The following ANKS1B variants were observed in gnomAD, a reference collection of about 807,000 sequenced individuals.
The protein encoded by ANKS1B is ankyrin repeat and sterile alpha motif domain-containing protein 1B.
Under a neutral mutation model 148.3 loss-of-function variants are expected in ANKS1B, and 36 were observed. The observed-to-expected ratio is 0.24, with a 90% CI of 0.19 to 0.32. The LOEUF is 0.32. Ranked by LOEUF, ANKS1B falls within the 10% of genes least tolerant of loss-of-function variation. The probability of loss-of-function intolerance (pLI) is 1.00; values close to 1 mark genes in which losing one functional copy is unlikely to be tolerated. For synonymous variants in ANKS1B, 542 were observed against 560.8 expected, an observed-to-expected ratio of 0.97 and a Z score of 0.47; for missense variants, 1,157 against 1,542.6, an observed-to-expected ratio of 0.75 and a Z score of 4.19.
intron 10 of ANKS1B, among the ~76,000 whole-genome samples, chr12:99,459,798 C>T (rs146828961): frequency 1.9e-3 from 291 of 151,968 alleles, no homozygotes; most frequent in African/African-American, 6.5e-3. Flanking sequence ...CATGAATGAG[C>T]AGAATCAATA....
At chr12:98,993,147 T>C (rs1221369119) in intron 17 of ANKS1B, among the ~76,000 whole-genome samples, 1 of 152,184 alleles carries the variant, frequency 6.6e-6, no homozygotes, top group East Asian at 1.9e-4. Flanking sequence ...TCATAGTTGA[T>C]TCTTTTTTTA....
intron 8 of ANKS1B, among the ~76,000 whole-genome samples, chr12:99,723,862 T>C (rs996425246): frequency 2.6e-5 from 4 of 152,040 alleles, no homozygotes; most frequent in African/African-American, 9.7e-5. Context: ...GCCAGATGAA[T>C]AGTGCCTGAA....
At chr12:98,837,503 G>A (rs75942608) in intron 17 of ANKS1B, among the ~76,000 whole-genome samples, 1,662 of 152,192 alleles carry the variant, frequency 0.011, 32 homozygotes, top group African/African-American at 0.037. Flanking sequence ...AGCAGTAGCC[G>A]CCTCCAGGAA....
chr12:99,045,580 AT>A (rs957132730), intron 17 of ANKS1B, among the ~76,000 whole-genome samples: 2 of 152,192 alleles, frequency 1.3e-5, no homozygotes, highest in African/African-American at 4.8e-5. Context: ...ATTGTTTTAG[AT>A]ATGGGGCCCT....
At chr12:99,578,091 A>C (rs887794876) in intron 9 of ANKS1B, among the ~76,000 whole-genome samples, 2 of 152,164 alleles carry the variant, frequency 1.3e-5, no homozygotes, top group African/African-American at 4.8e-5. Context: ...AATGTGATTC[A>C]CCACAAACAG....
intron 12 of ANKS1B, among the ~76,000 whole-genome samples, chr12:99,327,062 A>G (rs1415465580): frequency 7.4e-6 from 1 of 134,660 alleles, no homozygotes; most frequent in Non-Finnish European, 1.5e-5. Context: ...TATATATAAT[A>G]CAATATATAA....
intron 17 of ANKS1B, among the ~76,000 whole-genome samples, chr12:98,845,653 A>G (rs1479611220): frequency 6.6e-6 from 1 of 152,154 alleles, no homozygotes; most frequent in African/African-American, 2.4e-5. Flanking sequence ...CAGCCTGGAA[A>G]AGGCACTGGA....
chr12:99,720,758 A>C (rs2057996476), intron 8 of ANKS1B, among the ~76,000 whole-genome samples: 1 of 151,932 alleles, frequency 6.6e-6, no homozygotes, highest in Non-Finnish European at 1.5e-5. Flanking sequence ...TGCCCCAAAA[A>C]ACTTGTCACC....
intron 14 of ANKS1B, among the ~76,000 whole-genome samples, chr12:99,176,217 G>A (rs921799414): frequency 4.6e-5 from 7 of 152,152 alleles, no homozygotes; most frequent in Admixed American, 6.6e-5. Flanking sequence ...GGGTCCTCCA[G>A]GGATCAGGAG....
intron 17 of ANKS1B, among the ~76,000 whole-genome samples, chr12:99,029,205 T>A (rs1048217072): frequency 6.6e-6 from 1 of 152,232 alleles, no homozygotes; most frequent in Admixed American, 6.5e-5. Context: ...GGATGCTGTA[T>A]ACTGATTCCA....
intron 14 of ANKS1B, among the ~76,000 whole-genome samples, chr12:99,168,393 C>A (rs948900353): frequency 1.3e-5 from 2 of 151,766 alleles, no homozygotes; most frequent in African/African-American, 2.4e-5. Context: ...GTGGCGGGAG[C>A]CTATAATCCC....
chr12:99,405,754 G>T (rs2094517227), intron 11 of ANKS1B, among the ~76,000 whole-genome samples: 1 of 142,556 alleles, frequency 7.0e-6, no homozygotes, highest in Non-Finnish European at 1.5e-5. Flanking sequence ...AGCTGAATGG[G>T]TTAAAAAAAA....
At chr12:99,721,786 G>A (rs2058112546) in intron 8 of ANKS1B, among the ~76,000 whole-genome samples, 1 of 152,182 alleles carries the variant, frequency 6.6e-6, no homozygotes, top group Admixed American at 6.5e-5. Flanking sequence ...TAAAACCTAG[G>A]CCTCATGTGC....
At chr12:99,166,512 A>G (rs1348019172) in intron 14 of ANKS1B, among the ~76,000 whole-genome samples, 1 of 151,964 alleles carries the variant, frequency 6.6e-6, no homozygotes, top group Non-Finnish European at 1.5e-5. Context: ...ATAAAAACCA[A>G]CATAATTTAC....
intron 22 of ANKS1B, among the ~76,000 whole-genome samples, chr12:98,796,356 T>C (rs2098949529): frequency 6.6e-6 from 1 of 152,200 alleles, no homozygotes; most frequent in Non-Finnish European, 1.5e-5. Context: ...AATATTACCA[T>C]GAATCAACTT....
chr12:99,299,538 T>A (rs1173233431), intron 12 of ANKS1B, among the ~76,000 whole-genome samples: 2 of 152,208 alleles, frequency 1.3e-5, no homozygotes, highest in Non-Finnish European at 2.9e-5. Context: ...ACAAATATAA[T>A]CACTTTTAAA....
intron 2 of ANKS1B, among the ~76,000 whole-genome samples, chr12:99,820,604 A>T (rs761440724): frequency 6.6e-6 from 1 of 152,006 alleles, no homozygotes; most frequent in African/African-American, 2.4e-5. Context: ...AATCATTGTT[A>T]GTTACCTCTG....
At chr12:99,587,266 G>T (rs904476830) in intron 9 of ANKS1B, among the ~76,000 whole-genome samples, 2 of 152,154 alleles carry the variant, frequency 1.3e-5, no homozygotes, top group Non-Finnish European at 2.9e-5. Flanking sequence ...TGGAAGAGTG[G>T]AAGTCAGTAA....
intron 8 of ANKS1B, among the ~76,000 whole-genome samples, chr12:99,730,543 G>A (rs866758226): frequency 6.6e-6 from 1 of 152,110 alleles, no homozygotes; most frequent in African/African-American, 2.4e-5. Context: ...CCAAACCCAA[G>A]GTAAAGACTG....
Sources: allele counts gnomAD v4.1 joint callset (sites outside exome capture counted in the v4.1 genomes callset), GRCh38; gene constraint gnomAD v4.1.1; transcripts MANE v1.5; gene names NCBI Gene and HGNC (gene_info 2026-07-23, HGNC 2026-07-21).